Variants in COL18A1 observed in about 807,000 individuals in gnomAD.
COL18A1 encodes collagen alpha-1(XVIII) chain.
Under a neutral mutation model 168.0 loss-of-function variants are expected in COL18A1, and 133 were observed. The ratio of observed to expected loss-of-function variants is 0.79; its 90% CI spans 0.69 to 0.91. The LOEUF is 0.91. COL18A1 is among the 40% of genes least tolerant of loss of function. The pLI, the probability that COL18A1 is intolerant of heterozygous loss-of-function variation, is 0.00. For missense variants in COL18A1, 2,126 were observed against 1,925.4 expected (o/e 1.10, Z -1.95); for synonymous variants, 949 against 809.0 (o/e 1.17, Z -2.94).
At chr21:45,478,744 C>T (rs1291696282) in intron 9 of COL18A1, among the ~76,000 whole-genome samples, 1 of 152,020 alleles carries the variant, frequency 6.6e-6, no homozygotes, top group African/African-American at 2.4e-5. Flanking sequence ...GCAAAACACG[C>T]AGTTCAGTCT....
At chr21:45,478,288 G>A in intron 8 of COL18A1, 39 bp from the exon 9 acceptor site, 2 of 1,613,978 alleles carry the variant, frequency 1.2e-6, no homozygotes, top group Non-Finnish European at 1.7e-6. Flanking sequence ...CGCCGGAGGA[G>A]TCATTTCCCA....
intron 40 of COL18A1, 87 bp from the exon 41 acceptor site, chr21:45,511,024 C>G: frequency 3.0e-6 from 1 of 330,502 alleles, no homozygotes; most frequent in South Asian, 1.8e-5. Context: ...CACATCCACA[C>G]CCCACATCCA....
intron 3 of COL18A1, among the ~76,000 whole-genome samples, chr21:45,472,805 C>A (rs559984883): frequency 3.5e-5 from 5 of 141,542 alleles, no homozygotes; most frequent in South Asian, 2.1e-4. Flanking sequence ...GGGTCCACAC[C>A]CCCCCACGCA....
intron 32 of COL18A1, 180 bp from the exon 33 acceptor site, chr21:45,503,830 AC>A (rs1275442083): frequency 4.4e-5 from 19 of 434,598 alleles, no homozygotes; most frequent in Non-Finnish European, 7.4e-5. Flanking sequence ...ATAAAAAGGC[AC>A]CATTAACAAA....
At chr21:45,476,327 G>A (rs756453942) in intron 5 of COL18A1, 24 bp from the exon 6 acceptor site, 1 of 1,613,562 alleles carries the variant, frequency 6.2e-7, no homozygotes, top group Non-Finnish European at 8.5e-7. Context: ...CGAATAACAG[G>A]CCACCTCCCC....
chr21:45,444,935 T>A (rs1003524455), intron 2 of COL18A1, among the ~76,000 whole-genome samples: 5 of 152,226 alleles, frequency 3.3e-5, no homozygotes, highest in Non-Finnish European at 5.9e-5. Context: ...TTGCGTGGTT[T>A]GGAAAATGTG....
chr21:45,437,751 G>C (rs1301680756), intron 2 of COL18A1, among the ~76,000 whole-genome samples: 25 of 12,078 alleles, frequency 2.1e-3, no homozygotes, highest in African/African-American at 2.2e-3. Flanking sequence ...CACACACTCA[G>C]ACACAGGCAC....
At chr21:45,479,012 GCAGA>G (rs1001860178) in intron 9 of COL18A1, among the ~76,000 whole-genome samples, 12 of 152,220 alleles carry the variant, frequency 7.9e-5, no homozygotes, top group Non-Finnish European at 1.6e-4. Flanking sequence ...GAGGACCACG[GCAGA>G]CAAAGGACAG....
rs528511661 is a variant in COL18A1 at position 45,469,939 on chromosome 21, C to T, written c.651+1153C>T. On this transcript the variant is annotated intron_variant, in intron 3 of 41. Coordinates refer to ENST00000651438, the MANE Select transcript of COL18A1 (RefSeq NM_001379500.1). ...TCCTCTTGATCACAAACATGATTAC[C>T]GGGAAAGAAGTCAGAGTCACCCCCT... Among the ~76,000 whole-genome samples the T allele has an allele frequency of 3.3e-5, 5 of 152,240 alleles. No individual in the cohort carries two copies. The East Asian group carries it at 5.8e-4, about 18-fold the overall frequency.
At chr21:45,411,882 C>G (rs551139831) in intron 2 of COL18A1, among the ~76,000 whole-genome samples, 89 of 151,856 alleles carry the variant, frequency 5.9e-4, no homozygotes, top group African/African-American at 2.1e-3. Context: ...TGGATCCTGT[C>G]TTTTAAAAAC....
At chr21:45,500,260 T>C (rs2036711321) in intron 32 of COL18A1, among the ~76,000 whole-genome samples, 1 of 118,518 alleles carries the variant, frequency 8.4e-6, no homozygotes, top group Admixed American at 9.2e-5. Flanking sequence ...AGTGTGCATA[T>C]GTGGGTGTTG....
At position 45,471,709 on chromosome 21, in the gene COL18A1, C is replaced by T. The variant is rs1434755863; in HGVS notation, c.652-2186C>T. On this transcript the variant is annotated intron_variant, in intron 3 of 41. Coordinates refer to ENST00000651438, the MANE Select transcript of COL18A1 (RefSeq NM_001379500.1). The surrounding 1 kb of genome is among the most constrained non-coding windows in gnomAD (Gnocchi z 4.4). Reference sequence around the variant, plus strand: ...TCCCAGCTGCTGCCGTTGCCTTGAACGTCATTTCCAGCTGTGTCCTGATTT... The same window carrying T: ...TCCCAGCTGCTGCCGTTGCCTTGAATGTCATTTCCAGCTGTGTCCTGATTT... Among the ~76,000 whole-genome samples the T allele has an allele frequency of 6.6e-6, 1 of 152,176 alleles. No individual in the cohort carries two copies. Among genetic ancestry groups the T allele is most frequent in the African/African-American group, 2.4e-5 (1 of 41,432 alleles).
chr21:45,450,477 T>A (rs892458151), intron 2 of COL18A1, among the ~76,000 whole-genome samples: 4 of 152,222 alleles, frequency 2.6e-5, no homozygotes, highest in African/African-American at 7.2e-5. Context: ...GTTGGGGCCT[T>A]CAGCCCGGAA....
At chr21:45,478,961 T>A (rs2035780510) in intron 9 of COL18A1, among the ~76,000 whole-genome samples, 1 of 152,156 alleles carries the variant, frequency 6.6e-6, no homozygotes, top group Admixed American at 6.5e-5. Flanking sequence ...CGAACGGTCA[T>A]TACCGACCGC....
chr21:45,430,756 G>A (rs1269128545), intron 2 of COL18A1, among the ~76,000 whole-genome samples: 1 of 152,218 alleles, frequency 6.6e-6, no homozygotes, highest in East Asian at 1.9e-4. Flanking sequence ...TGGCCCGGCT[G>A]GCTTTCCCCG....
In COL18A1 at chr21:45,405,315, T is replaced by TG. The variant is rs1452043844; in HGVS notation, c.12-64_12-63insG. Reference sequence around the variant, plus strand: ...GCGGGGGTCGCGGGGGTCGCGGGGCTCGGCCGGGTCCTGCGGGGGTCGCGG... The same window carrying TG: ...GCGGGGGTCGCGGGGGTCGCGGGGCTGCGGCCGGGTCCTGCGGGGGTCGCGG... On this transcript the variant is annotated intron_variant, in intron 1 of 41. Transcript: ENST00000651438. 1.6e-3 allele frequency: 1,022 copies of TG among 629,234 alleles called. 5 individuals carry two copies. Among genetic ancestry groups the TG allele is most frequent in the Admixed American group, 3.8e-3 (51 of 13,460 alleles). 39.0% of individuals were successfully genotyped at this position (629,234 alleles called of 1,614,324 possible). A position where few individuals can be genotyped will look rare whatever the true frequency, so the allele number is the denominator to read the frequency against.
intron 24 of COL18A1, among the ~76,000 whole-genome samples, chr21:45,492,941 G>A (rs2036404288): frequency 6.6e-6 from 1 of 152,086 alleles, no homozygotes; most frequent in African/African-American, 2.4e-5. Context: ...CACCTGCAGA[G>A]GCCTGCAGTG....
In COL18A1 at chr21:45,509,620, TG is replaced by T; in HGVS notation, c.3495+22del. On this transcript the variant is annotated intron_variant, in intron 39 of 41. Coordinates refer to ENST00000651438, the MANE Select transcript of COL18A1 (RefSeq NM_001379500.1). ...GCCGGTGGTGAGTGCCCCCCCAAAG[TG>T]GGCTTGGCTCCATCTAGCCCCTCGG... The T allele has an allele frequency of 7.5e-7, 1 of 1,337,038 alleles. No homozygotes were observed. Among genetic ancestry groups the T allele is most frequent in the Non-Finnish European group, 1.0e-6 (1 of 965,316 alleles). The allele number at this position is 1,337,038 out of a possible 1,614,324, so 82.8% of individuals were successfully genotyped here.
chr21:45,510,125 A>G lies in COL18A1; in HGVS notation c.3557A>G (p.Asp1186Gly). The G allele has an allele frequency of 6.2e-7, 1 of 1,600,122 alleles. No homozygotes were observed. Among genetic ancestry groups the G allele is most frequent in the Non-Finnish European group, 8.5e-7 (1 of 1,174,502 alleles). ...SGGMRGIRGA[D>G]FQCFQQARAV... ...GGCATGCGGGGCATCCGCGGGGCCG[A>G]CTTCCAGTGCTTCCAGCAGGCGCGG... Residue 1186 changes from aspartate to glycine, a missense_variant, in exon 40 of 42, where the codon GAC becomes GGC. Physicochemically the swap from Asp to Gly is moderately conservative, Grantham distance 94. Coordinates refer to ENST00000651438, the MANE Select transcript of COL18A1 (RefSeq NM_001379500.1).
Sources: gnomAD v4.1 joint callset for allele counts (sites outside exome capture counted in the v4.1 genomes callset) on GRCh38, gnomAD v4.1.1 for gene constraint, Gnocchi (gnomAD v3.1) non-coding constraint, MANE v1.5 for transcripts, NCBI Gene and HGNC (gene_info 2026-07-23, HGNC 2026-07-21) for gene names.